Variants in RORA observed in about 807,000 individuals in gnomAD.
RORA encodes the protein nuclear receptor ROR-alpha.
Under a neutral mutation model 69.5 loss-of-function variants are expected in RORA, and 7 were observed. The ratio of observed to expected loss-of-function variants is 0.10; its 90% CI spans 0.06 to 0.19. The LOEUF (loss-of-function observed/expected upper bound fraction) is 0.19, where lower values mean the gene tolerates loss of function less well. Ranked by LOEUF, RORA falls within the 10% of genes least tolerant of loss-of-function variation. RORA has a pLI of 1.00. For synonymous variants in RORA, 261 were observed against 240.8 expected, an observed-to-expected ratio of 1.08 and a Z score of -0.78; for missense variants, 457 against 663.0, an observed-to-expected ratio of 0.69 and a Z score of 3.41.
At chr15:60,855,321 C>A (rs186673065) in intron 1 of RORA, among the ~76,000 whole-genome samples, 1 of 152,166 alleles carries the variant, frequency 6.6e-6, no homozygotes, top group Non-Finnish European at 1.5e-5. Flanking sequence ...AACATGGAAA[C>A]CACATGACAG....
intron 2 of RORA, among the ~76,000 whole-genome samples, chr15:60,583,498 G>T (rs568887754): frequency 6.6e-6 from 1 of 152,202 alleles, no homozygotes; most frequent in Non-Finnish European, 1.5e-5. Flanking sequence ...CACAGTGAAG[G>T]CTAAAATACA....
chr15:60,887,893 T>A (rs185237780), intron 1 of RORA, among the ~76,000 whole-genome samples: 3 of 152,338 alleles, frequency 2.0e-5, no homozygotes, highest in Admixed American at 2.0e-4. Flanking sequence ...TTACTTCACA[T>A]AGTCTAGCAC....
intron 1 of RORA, among the ~76,000 whole-genome samples, chr15:60,910,506 A>C (rs1283445195): frequency 6.6e-6 from 1 of 152,222 alleles, no homozygotes; most frequent in Non-Finnish European, 1.5e-5. Flanking sequence ...CCTCTTATTC[A>C]ATCACAGTTA....
intron 1 of RORA, among the ~76,000 whole-genome samples, chr15:61,072,581 A>T (rs1356867510): frequency 2.0e-5 from 3 of 152,226 alleles, no homozygotes; most frequent in African/African-American, 7.2e-5. Flanking sequence ...AAAACTTTAA[A>T]AGAACCCAAA....
At chr15:60,780,809 G>T (rs1324393002) in intron 1 of RORA, among the ~76,000 whole-genome samples, 1 of 152,198 alleles carries the variant, frequency 6.6e-6, no homozygotes, top group Non-Finnish European at 1.5e-5. Context: ...GGGTGAGGCA[G>T]ACACGGTCCC....
intron 2 of RORA, among the ~76,000 whole-genome samples, chr15:60,545,688 G>GAATGA (rs2067047556): frequency 6.6e-6 from 1 of 152,106 alleles, no homozygotes. Flanking sequence ...CAATTAGCGT[G>GAATGA]GTCCATTTTA....
chr15:60,832,910 T>TC (rs2073063010), intron 1 of RORA, among the ~76,000 whole-genome samples: 1 of 152,086 alleles, frequency 6.6e-6, no homozygotes, highest in East Asian at 1.9e-4. Flanking sequence ...AACTGAGTGT[T>TC]CTTTTTTTTT....
At chr15:60,820,729 C>A (rs1286858517) in intron 1 of RORA, among the ~76,000 whole-genome samples, 1 of 152,174 alleles carries the variant, frequency 6.6e-6, no homozygotes. Context: ...AACGGCAGAT[C>A]TGGAGGTCCC....
intron 2 of RORA, among the ~76,000 whole-genome samples, chr15:60,591,167 T>C (rs2068491824): frequency 6.6e-6 from 1 of 152,146 alleles, no homozygotes; most frequent in Non-Finnish European, 1.5e-5. Flanking sequence ...TCTGCACAAT[T>C]GCTGCGCATT....
At chr15:61,081,201 G>A (rs1002660076) in intron 1 of RORA, among the ~76,000 whole-genome samples, 1 of 152,146 alleles carries the variant, frequency 6.6e-6, no homozygotes, top group African/African-American at 2.4e-5. Flanking sequence ...AGGCCTGAGG[G>A]CACTGGGCCA....
chr15:60,532,744 T>TA (rs1392427261), intron 2 of RORA, among the ~76,000 whole-genome samples: 1 of 152,132 alleles, frequency 6.6e-6, no homozygotes, highest in Non-Finnish European at 1.5e-5. Context: ...ATATGTGAAA[T>TA]AAAGACCAAT....
intron 1 of RORA, among the ~76,000 whole-genome samples, chr15:60,994,374 C>T (rs56878048): frequency 6.6e-6 from 1 of 152,216 alleles, no homozygotes; most frequent in Non-Finnish European, 1.5e-5. Context: ...TACCGATTTT[C>T]TTTAAAAGAA....
intron 1 of RORA, among the ~76,000 whole-genome samples, chr15:61,109,664 T>C (rs2078985077): frequency 6.6e-6 from 1 of 152,260 alleles, no homozygotes; most frequent in South Asian, 2.1e-4. Flanking sequence ...AAGATGCTTT[T>C]GCCTGTGGCA....
chr15:61,087,588 A>G (rs1444161857), intron 1 of RORA, among the ~76,000 whole-genome samples: 2 of 152,260 alleles, frequency 1.3e-5, no homozygotes, highest in Admixed American at 6.5e-5. Context: ...GATTTCAGTC[A>G]TATAAAAACA....
chr15:60,515,598 T>A (rs2141342454), intron 3 of RORA, among the ~76,000 whole-genome samples: 1 of 152,244 alleles, frequency 6.6e-6, no homozygotes, highest in Non-Finnish European at 1.5e-5. Flanking sequence ...TTCCTTTTAG[T>A]GATGTTTTAA....
Position 60,497,388 on chromosome 15 carries a change from G to GTTAA in RORA, c.*63_*66dup. 7 of 1,452,660 alleles carry GTTAA rather than the reference G, an allele frequency of 4.8e-6. No homozygotes were observed. The highest frequency in any genetic ancestry group is 6.7e-6 in the Non-Finnish European group (7 of 1,042,356). The allele number at this position is 1,452,660 out of a possible 1,614,324, so 90.0% of individuals were successfully genotyped here. A position where few individuals can be genotyped will look rare whatever the true frequency, so the allele number is the denominator to read the frequency against. On this transcript the variant is annotated 3_prime_UTR_variant, in exon 11 of 11. Coordinates refer to ENST00000335670, the MANE Select transcript of RORA (RefSeq NM_134261.3). ...GTGCAGGGCCATATAAAGTGTCTCG[G>GTTAA]TTAATTTTTTTGTTTGTTTTTCATG...
intron 1 of RORA, among the ~76,000 whole-genome samples, chr15:60,975,685 C>T (rs1016177767): frequency 5.3e-5 from 8 of 152,060 alleles, no homozygotes; most frequent in Non-Finnish European, 1.0e-4. Flanking sequence ...GGTAATCATG[C>T]GTATGTGTGA....
chr15:60,822,887 C>T (rs2072910296), intron 1 of RORA, among the ~76,000 whole-genome samples: 1 of 152,196 alleles, frequency 6.6e-6, no homozygotes. Context: ...GAAATGTCTT[C>T]CATCCAAATT....
chr15:60,832,167 A>C (rs1294951538), intron 1 of RORA, among the ~76,000 whole-genome samples: 1 of 152,204 alleles, frequency 6.6e-6, no homozygotes, highest in Admixed American at 6.5e-5. Flanking sequence ...GCTTAGTGCA[A>C]CTTGGTGACA....
Sources: allele counts gnomAD v4.1 joint callset (sites outside exome capture counted in the v4.1 genomes callset), GRCh38; gene constraint gnomAD v4.1.1; transcripts MANE v1.5; gene names NCBI Gene and HGNC (gene_info 2026-07-23, HGNC 2026-07-21).